CATSPERD: variants seen among roughly 807,000 people sequenced by gnomAD.
The protein encoded by CATSPERD is cation channel sperm-associated auxiliary subunit delta.
CATSPERD carries 86 observed loss-of-function variants against 98.1 expected under a neutral mutation model. That is an observed-to-expected ratio of 0.88 (90% CI 0.74 to 1.05). CATSPERD has a LOEUF of 1.05. Among genes scored for constraint, CATSPERD ranks in the 50% least tolerant of loss-of-function variants. The pLI, the probability that CATSPERD is intolerant of heterozygous loss-of-function variation, is 0.00. For synonymous variants in CATSPERD, 394 were observed against 390.2 expected (o/e 1.01, Z -0.12); for missense variants, 995 against 1,005.7 (o/e 0.99, Z 0.14).
chr19:5,742,638 A>G (rs1019848661), intron 7 of CATSPERD, among the ~76,000 whole-genome samples: 4 of 152,010 alleles, frequency 2.6e-5, no homozygotes, highest in Non-Finnish European at 5.9e-5. Context: ...AAAAAATTGA[A>G]AAAGAAATGA....
chr19:5,743,213 G>GA (rs1192440747), intron 7 of CATSPERD, among the ~76,000 whole-genome samples: 1 of 152,126 alleles, frequency 6.6e-6, no homozygotes, highest in East Asian at 1.9e-4. Context: ...TGAGGCAGGA[G>GA]AATCGATTGA....
chr19:5,757,938 C>A lies in CATSPERD; in HGVS notation c.1368+6C>A. 1 of 1,609,174 alleles carries A rather than the reference C, an allele frequency of 6.2e-7. No individual in the cohort carries two copies. The highest frequency in any genetic ancestry group is 1.7e-5 in the Admixed American group (1 of 59,532). On this transcript the variant is annotated splice_donor_region_variant and intron_variant, in intron 14 of 21. Coordinates refer to ENST00000381624, the MANE Select transcript of CATSPERD (RefSeq NM_152784.4). Reference sequence around the variant, plus strand: ...GGAACACCAAGTACAAACTGGTGAGCCGCGTCCCCACCAAACCCTGTCGCC... The same window carrying A: ...GGAACACCAAGTACAAACTGGTGAGACGCGTCCCCACCAAACCCTGTCGCC...
intron 15 of CATSPERD, among the ~76,000 whole-genome samples, chr19:5,761,611 C>T (rs562482622): frequency 3.9e-5 from 6 of 152,188 alleles, no homozygotes; most frequent in African/African-American, 1.2e-4. Flanking sequence ...ACAATCATGG[C>T]GGAAGGCGAA....
At chr19:5,749,375 C>T (rs1188856659) in intron 11 of CATSPERD, among the ~76,000 whole-genome samples, 192 bp downstream of exon 11, 5 of 151,962 alleles carry the variant, frequency 3.3e-5, no homozygotes, top group South Asian at 4.1e-4. Flanking sequence ...ACCTGTAATT[C>T]CAGTTACACG....
chr19:5,735,134 A>T (rs2055817087), intron 5 of CATSPERD, among the ~76,000 whole-genome samples: 1 of 152,040 alleles, frequency 6.6e-6, no homozygotes, highest in African/African-American at 2.4e-5. Flanking sequence ...TCTTTACAAA[A>T]AACCTTACTT....
At chr19:5,768,776 G>A (rs1184337884) in intron 18 of CATSPERD, among the ~76,000 whole-genome samples, 8 of 152,098 alleles carry the variant, frequency 5.3e-5, no homozygotes, top group East Asian at 3.9e-4. Flanking sequence ...CATGCTGTCC[G>A]GCTCAGTGAG....
chr19:5,756,795 A>G (rs1334680649), intron 13 of CATSPERD, among the ~76,000 whole-genome samples: 1 of 151,996 alleles, frequency 6.6e-6, no homozygotes, highest in Non-Finnish European at 1.5e-5. Flanking sequence ...AAACACAAAA[A>G]TTAGCTGGGT....
intron 12 of CATSPERD, among the ~76,000 whole-genome samples, chr19:5,752,312 T>TAATA (rs1008641302): frequency 1.9e-4 from 28 of 151,068 alleles, no homozygotes; most frequent in African/African-American, 5.8e-4. Flanking sequence ...TCGTCTCAAA[T>TAATA]AATAAATAAA....
chr19:5,739,440 G>T lies in CATSPERD; in HGVS notation c.573+1G>T, dbSNP rs199838260. ...TTGGAAGTATCACTATGACAGACAG[G>T]TATGTTAAATTTGGTAAGAATGTGA... On this transcript the variant is annotated splice_donor_variant, in intron 7 of 21. Transcript: ENST00000381624. LOFTEE classifies it high-confidence loss of function. 1 of 1,446,030 alleles carries T rather than the reference G, an allele frequency of 6.9e-7. No individual in the cohort carries two copies. Among genetic ancestry groups the T allele is most frequent in the Non-Finnish European group, 9.5e-7 (1 of 1,047,364 alleles). 89.6% of individuals were successfully genotyped at this position (1,446,030 alleles called of 1,614,324 possible). A position where few individuals can be genotyped will look rare whatever the true frequency, so the allele number is the denominator to read the frequency against.
intron 2 of CATSPERD, among the ~76,000 whole-genome samples, chr19:5,725,334 A>G (rs762660208): frequency 1.5e-4 from 23 of 151,938 alleles, no homozygotes; most frequent in Non-Finnish European, 3.2e-4. Context: ...GTATTTTTGT[A>G]GAGATGAGGT....
chr19:5,776,395 G>C (rs2056743562), intron 21 of CATSPERD, 80 bp downstream of exon 21: 5 of 1,521,008 alleles, frequency 3.3e-6, no homozygotes, highest in South Asian at 2.4e-5. Flanking sequence ...GGGACATGCA[G>C]GTCCTGGCTA....
At chr19:5,721,815 C>T (rs1423369665) in intron 1 of CATSPERD, among the ~76,000 whole-genome samples, 1 of 151,908 alleles carries the variant, frequency 6.6e-6, no homozygotes, top group Non-Finnish European at 1.5e-5. Context: ...ATGATGAAAC[C>T]TCGTCTCTAC....
At chr19:5,771,220 C>T (rs943297924) in intron 19 of CATSPERD, 148 bp downstream of exon 19, 1 of 878,072 alleles carries the variant, frequency 1.1e-6, no homozygotes, top group African/African-American at 1.7e-5. Flanking sequence ...CTGCCCCAGC[C>T]CCACTGGCCC....
intron 2 of CATSPERD, among the ~76,000 whole-genome samples, chr19:5,725,310 C>T (rs948844100): frequency 6.6e-6 from 1 of 152,148 alleles, no homozygotes; most frequent in African/African-American, 2.4e-5. Flanking sequence ...TGCCACCATG[C>T]GCAGCTAATT....
chr19:5,723,400 T>C (rs2055538149), intron 1 of CATSPERD, among the ~76,000 whole-genome samples: 1 of 147,568 alleles, frequency 6.8e-6, no homozygotes, highest in Admixed American at 6.8e-5. Flanking sequence ...TTCTAGTGCC[T>C]CAGCCCTCAG....
chr19:5,778,283 C>T (rs2056768617), intron 21 of CATSPERD, 93 bp from the exon 22 acceptor site: 3 of 1,122,800 alleles, frequency 2.7e-6, no homozygotes, highest in South Asian at 2.9e-5. Context: ...GCCTGGTTCT[C>T]CCTCCTGTGG....
Position 5,778,662 on chromosome 19 carries a change from A to T in CATSPERD, c.2383A>T (p.Arg795Trp), listed in dbSNP as rs1242273751. ...PGRHRTPHGG[R>W]SDH is the part of the protein sequence containing the mutation. ...ACGCCACCGCACTCCTCACGGAGGC[A>T]GGTCTGACCACTGAGGCCGGTCCAC... Residue 795 changes from arginine to tryptophan, a missense_variant, in exon 22 of 22, where the codon AGG (arginine) becomes TGG (tryptophan). Transcript: ENST00000381624. The T allele has an allele frequency of 6.2e-7, 1 of 1,612,394 alleles. No individual in the cohort carries two copies. Among genetic ancestry groups the T allele is most frequent in the Non-Finnish European group, 8.5e-7 (1 of 1,179,368 alleles).
chr19:5,763,940 C>T (rs1341892777), intron 16 of CATSPERD, among the ~76,000 whole-genome samples: 12 of 147,320 alleles, frequency 8.1e-5, no homozygotes, highest in East Asian at 8.0e-4. Flanking sequence ...CTCCATCTCC[C>T]GGATTCAAGC....
rs747254011 is a variant in CATSPERD, at chr19:5,749,149, G to A, written c.953G>A (p.Gly318Asp). Residue 318 changes from glycine to aspartate, a missense_variant, in exon 11 of 22, where the codon GGC becomes GAC. Gly to Asp is a moderately conservative substitution (Grantham distance 94). Around this residue, in one of 3 missense-constraint regions of CATSPERD, gnomAD observed 762 missense variants for 773.7 expected, o/e 0.98. Transcript: ENST00000381624. The stretch of plus-strand genomic sequence containing the variant: ...ACTCGGGAGGATAATTTGTATTATG[G>A]CAATCTGGGCATCGTGCCAAGTTCC... The part of the protein sequence containing the change: ...VITREDNLYY[G>D]NLGIVPSSII... 6.2e-7 allele frequency: 1 copy of A among 1,612,682 alleles called. No individual in the cohort carries two copies. Among genetic ancestry groups the A allele is most frequent in the East Asian group, 2.2e-5 (1 of 44,798 alleles).
Sources: allele counts gnomAD v4.1 joint callset (sites outside exome capture counted in the v4.1 genomes callset), GRCh38; gene constraint gnomAD v4.1.1; regional missense constraint gnomAD v4.1.1; transcripts MANE v1.5; gene names NCBI Gene and HGNC (gene_info 2026-07-23, HGNC 2026-07-21).